Variants in PPP2R2B observed in about 807,000 individuals in gnomAD.
PPP2R2B encodes the protein serine/threonine-protein phosphatase 2A 55 kDa regulatory subunit B beta isoform.
In PPP2R2B, 5 loss-of-function variants were observed where a neutral mutation model predicts 46.0. The ratio of observed to expected loss-of-function variants is 0.11; its 90% CI spans 0.06 to 0.23. The LOEUF is 0.23. Among genes scored for constraint, PPP2R2B ranks in the 10% least tolerant of loss-of-function variants. PPP2R2B has a pLI of 1.00. For synonymous variants in PPP2R2B, 215 were observed against 206.7 expected (o/e 1.04, Z -0.34); for missense variants, 367 against 575.0 (o/e 0.64, Z 3.70).
At chr5:146,620,633 G>T (rs556324997) in intron 7 of PPP2R2B, among the ~76,000 whole-genome samples, 6 of 152,112 alleles carry the variant, frequency 3.9e-5, no homozygotes, top group Non-Finnish European at 8.8e-5. Flanking sequence ...CATTCCTACA[G>T]CCAGTGGGCT....
chr5:146,750,153 A>G (rs1381990134), intron 2 of PPP2R2B, among the ~76,000 whole-genome samples: 1 of 152,220 alleles, frequency 6.6e-6, no homozygotes, highest in Admixed American at 6.5e-5. Flanking sequence ...TCATTGATCT[A>G]TGCCTCTATC....
chr5:146,715,292 T>G (rs1298866355), intron 2 of PPP2R2B, among the ~76,000 whole-genome samples: 1 of 152,194 alleles, frequency 6.6e-6, no homozygotes, highest in South Asian at 2.1e-4. Flanking sequence ...GCAGTATGAC[T>G]ACAGGTAGAG....
intron 1 of PPP2R2B, among the ~76,000 whole-genome samples, chr5:147,034,020 G>T (rs1334950130): frequency 6.6e-6 from 1 of 152,038 alleles, no homozygotes. Context: ...TCTTACTATG[G>T]TGTTTAAGGC....
chr5:146,825,854 GT>G (rs1758547200), intron 2 of PPP2R2B, among the ~76,000 whole-genome samples: 1 of 152,094 alleles, frequency 6.6e-6, no homozygotes, highest in African/African-American at 2.4e-5. Context: ...TTTTTTTGTT[GT>G]TGGTATCACA....
rs371779801 is a variant in PPP2R2B, at chr5:146,701,127, G to A, written c.86C>T (p.Thr29Met). 1.4e-5 allele frequency: 22 copies of A among 1,613,548 alleles called. No individual in the cohort carries two copies. The highest frequency in any genetic ancestry group is 2.2e-5 in the East Asian group (1 of 44,870). ...SYATEADIIS[T>M]VEFNHTGELL... is the part of the protein sequence containing the mutation. ...TTCTCCCGTGTGGTTGAATTCTACC[G>A]TAGAGATAATGTCAGCTGCAAAGAA... The change falls in exon 3 of 10, where the codon ACG becomes ATG. Residue 29 changes from threonine (T) to methionine (M), a missense_variant. Physicochemically the swap from Thr to Met is moderately conservative, Grantham distance 81. Coordinates refer to ENST00000394411, the MANE Select transcript of PPP2R2B (RefSeq NM_181675.4).
intron 1 of PPP2R2B, among the ~76,000 whole-genome samples, chr5:147,019,644 A>G (rs1755169455): frequency 6.6e-6 from 1 of 152,200 alleles, no homozygotes; most frequent in African/African-American, 2.4e-5. Context: ...ATATGTTAAA[A>G]GCACAGAGTG....
chr5:146,841,681 G>T lies in PPP2R2B; in HGVS notation c.70+36321C>A, dbSNP rs537042207. Among the ~76,000 whole-genome samples, 8 of 152,204 alleles carry T rather than the reference G, an allele frequency of 5.3e-5. 1 individual carries two copies. The South Asian group carries it at 1.7e-3, about 32-fold the overall frequency. ...CATCATTCTCAGCAAACTAACACAA[G>T]AACAGAAAACCAAACACCGCATGTT... On this transcript the variant is annotated intron_variant, in intron 2 of 9. Transcript: ENST00000394411.
intron 1 of PPP2R2B, among the ~76,000 whole-genome samples, chr5:146,993,012 G>A (rs1334996018): frequency 6.6e-6 from 1 of 151,946 alleles, no homozygotes; most frequent in East Asian, 1.9e-4. Flanking sequence ...ACATGATCTC[G>A]GCTCACTGCA....
intron 5 of PPP2R2B, among the ~76,000 whole-genome samples, chr5:146,666,564 G>A (rs1158899941): frequency 6.6e-6 from 1 of 152,158 alleles, no homozygotes; most frequent in Non-Finnish European, 1.5e-5. Context: ...CTGTCCACCT[G>A]TTCCCAGAGT....
intron 2 of PPP2R2B, among the ~76,000 whole-genome samples, chr5:146,833,489 G>A (rs995368199): frequency 1.3e-5 from 2 of 152,190 alleles, no homozygotes; most frequent in East Asian, 3.9e-4. Context: ...TTCAACACTG[G>A]CAATGAAAAC....
At chr5:146,986,300 C>T (rs1017515282) in intron 1 of PPP2R2B, among the ~76,000 whole-genome samples, 1 of 152,104 alleles carries the variant, frequency 6.6e-6, no homozygotes, top group Non-Finnish European at 1.5e-5. Flanking sequence ...GAATAGAAAC[C>T]TGCAGCCCTT....
At chr5:147,024,287 C>A (rs184101734) in intron 1 of PPP2R2B, among the ~76,000 whole-genome samples, 2 of 152,046 alleles carry the variant, frequency 1.3e-5, no homozygotes, top group Admixed American at 1.3e-4. Flanking sequence ...ATATTAAATG[C>A]AGATTGGCCC....
chr5:146,714,774 G>A (rs1278334635), intron 2 of PPP2R2B, among the ~76,000 whole-genome samples: 2 of 151,672 alleles, frequency 1.3e-5, no homozygotes, highest in African/African-American at 4.9e-5. Context: ...AGAGATCCAT[G>A]TGATTGCTAT....
At chr5:146,658,837 A>G (rs985197706) in intron 5 of PPP2R2B, among the ~76,000 whole-genome samples, 3 of 152,200 alleles carry the variant, frequency 2.0e-5, no homozygotes, top group African/African-American at 7.2e-5. Flanking sequence ...TCCCCAGATC[A>G]TTATGAGATG....
chr5:146,597,878 A>C (rs1771345854), intron 8 of PPP2R2B, among the ~76,000 whole-genome samples: 1 of 152,186 alleles, frequency 6.6e-6, no homozygotes. Context: ...TTATCTTTGC[A>C]TCTTACCATC....
intron 2 of PPP2R2B, among the ~76,000 whole-genome samples, chr5:146,753,804 T>G (rs960422327): frequency 6.6e-6 from 1 of 152,158 alleles, no homozygotes; most frequent in Non-Finnish European, 1.5e-5. Context: ...TGCATGTGAC[T>G]TCTCAGCTGC....
intron 2 of PPP2R2B, among the ~76,000 whole-genome samples, chr5:147,074,804 A>G (rs1259207788): frequency 1.3e-5 from 2 of 152,160 alleles, no homozygotes; most frequent in Non-Finnish European, 2.9e-5. Context: ...AGTCAAATTG[A>G]TGTTTTTCTC....
At chr5:146,782,956 T>C (rs1755625476) in intron 2 of PPP2R2B, among the ~76,000 whole-genome samples, 1 of 152,054 alleles carries the variant, frequency 6.6e-6, no homozygotes. Flanking sequence ...AGAATCGATA[T>C]GGAAAAAAAA....
chr5:147,019,604 T>TA (rs1015861947), intron 1 of PPP2R2B, among the ~76,000 whole-genome samples: 9 of 151,892 alleles, frequency 5.9e-5, no homozygotes, highest in African/African-American at 1.2e-4. Context: ...TGTTTTTTTT[T>TA]AAAAAGTCTA....
Sources: gnomAD v4.1 joint callset for allele counts (sites outside exome capture counted in the v4.1 genomes callset) on GRCh38, gnomAD v4.1.1 for gene constraint, MANE v1.5 for transcripts, NCBI Gene and HGNC (gene_info 2026-07-23, HGNC 2026-07-21) for gene names.